The following P4HA1 variants were observed in gnomAD, a reference collection of about 807,000 sequenced individuals.
P4HA1 encodes prolyl 4-hydroxylase subunit alpha 1, also known as prolyl 4-hydroxylase subunit alpha-1.
Under a neutral mutation model 72.8 loss-of-function variants are expected in P4HA1, and 24 were observed. The observed-to-expected ratio is 0.33, with a 90% CI of 0.24 to 0.46. P4HA1 has a LOEUF of 0.46. Ranked by LOEUF, P4HA1 falls within the 20% of genes least tolerant of loss-of-function variation. The probability of loss-of-function intolerance (pLI) is 1.00; values close to 1 mark genes in which losing one functional copy is unlikely to be tolerated. For synonymous variants in P4HA1, 201 were observed against 218.8 expected (o/e 0.92, Z 0.72); for missense variants, 446 against 640.6 (o/e 0.70, Z 3.28).
At chr10:73,084,923 T>C (rs189873653) in intron 1 of P4HA1, among the ~76,000 whole-genome samples, 130 of 152,226 alleles carry the variant, frequency 8.5e-4, no homozygotes, top group African/African-American at 3.1e-3. Context: ...AAGGATCACT[T>C]GAGCTCAAGA....
chr10:73,031,073 G>A (rs1029804071), intron 9 of P4HA1, among the ~76,000 whole-genome samples: 1 of 151,688 alleles, frequency 6.6e-6, no homozygotes, highest in African/African-American at 2.4e-5. Context: ...AATTTTTTAT[G>A]GCATCATTAC....
intron 5 of P4HA1, among the ~76,000 whole-genome samples, chr10:73,060,729 C>T (rs1403885313): frequency 6.6e-6 from 1 of 152,018 alleles, no homozygotes; most frequent in Non-Finnish European, 1.5e-5. Flanking sequence ...TTCAAAAAAA[C>T]AAGCCTATCT....
intron 10 of P4HA1, among the ~76,000 whole-genome samples, chr10:73,018,444 A>C (rs1474169876): frequency 1.3e-5 from 2 of 152,162 alleles, no homozygotes; most frequent in Non-Finnish European, 2.9e-5. Flanking sequence ...TGCGCTGCTG[A>C]GACACTTCTC....
rs71021545 is a variant in P4HA1, at chr10:73,037,571, A to ATTTTT, written c.1149-7206_1149-7202dup. ...TATATATATATATATATATATATATATTTTTTTTTTTTTTTTTTTACAAAG... is the reference window on the plus strand; with the variant it reads ...TATATATATATATATATATATATATATTTTTTTTTTTTTTTTTTTTTTTTACAAAG... On this transcript the variant is annotated intron_variant, in intron 9 of 14. Transcript: ENST00000394890. Among the ~76,000 whole-genome samples the ATTTTT allele has an allele frequency of 5.2e-4, 16 of 30,616 alleles. 1 individual carries two copies. Among genetic ancestry groups the ATTTTT allele is most frequent in the East Asian group, 2.0e-3 (2 of 1,018 alleles). The allele number at this position is 30,616 out of a possible 152,430, so 20.1% of individuals were successfully genotyped here.
chr10:73,021,213 T>C (rs1840127557), intron 10 of P4HA1, among the ~76,000 whole-genome samples: 1 of 152,142 alleles, frequency 6.6e-6, no homozygotes, highest in African/African-American at 2.4e-5. Flanking sequence ...CATACACTGC[T>C]GGTGGGAATG....
chr10:73,075,546 TTC>T (rs1841678343), intron 1 of P4HA1, among the ~76,000 whole-genome samples: 1 of 152,198 alleles, frequency 6.6e-6, no homozygotes, highest in South Asian at 2.1e-4. Context: ...AAAATAAGTT[TTC>T]TCTGTGATTT....
chr10:73,021,359 C>A (rs1179515822), intron 10 of P4HA1, among the ~76,000 whole-genome samples: 1 of 152,150 alleles, frequency 6.6e-6, no homozygotes, highest in Non-Finnish European at 1.5e-5. Flanking sequence ...GAAGAGATAT[C>A]CGCATTCCCA....
rs537223718 is a variant in P4HA1 at position 73,091,175 on chromosome 10, T to A, written c.-33+5591A>T. Among the ~76,000 whole-genome samples the A allele has an allele frequency of 6.5e-3, 689 of 105,460 alleles. 7 individuals carry two copies. Among genetic ancestry groups the A allele is most frequent in the African/African-American group, 0.015 (262 of 17,826 alleles). The allele number at this position is 105,460 out of a possible 152,430, so 69.2% of individuals were successfully genotyped here. A position where few individuals can be genotyped will look rare whatever the true frequency, so the allele number is the denominator to read the frequency against. On this transcript the variant is annotated intron_variant, in intron 1 of 14. Coordinates refer to ENST00000394890, the MANE Select transcript of P4HA1 (RefSeq NM_001017962.3). ...ATGTTGCCTGAGTTTACCAAAAAAA[T>A]AAATAAATAAATAAATAAATAAATA...
rs1221303935 is a variant in P4HA1 at position 73,037,558 on chromosome 10, TATATATATATATA to T, written c.1149-7201_1149-7189del. Among the ~76,000 whole-genome samples the T allele has an allele frequency of 7.2e-3, 269 of 37,190 alleles. 3 individuals carry two copies. The highest frequency in any genetic ancestry group is 0.012 in the East Asian group (14 of 1,168). 24.4% of individuals were successfully genotyped at this position (37,190 alleles called of 152,430 possible). On this transcript the variant is annotated intron_variant, in intron 9 of 14. Coordinates refer to ENST00000394890, the MANE Select transcript of P4HA1 (RefSeq NM_001017962.3). Reference sequence around the variant, plus strand: ...ATATATATATATATATATATATATATATATATATATATATTTTTTTTTTTTTTTTTTTACAAAG... The same window carrying T: ...ATATATATATATATATATATATATATTTTTTTTTTTTTTTTTTTTACAAAG...
At chr10:73,023,160 T>C (rs1840176727) in intron 10 of P4HA1, among the ~76,000 whole-genome samples, 1 of 152,052 alleles carries the variant, frequency 6.6e-6, no homozygotes, top group Admixed American at 6.5e-5. Flanking sequence ...ACAAAGATAC[T>C]TCTCGAGAAG....
intron 7 of P4HA1, 149 bp downstream of exon 7, chr10:73,050,904 G>A (rs553151594): frequency 8.8e-5 from 62 of 704,508 alleles, no homozygotes; most frequent in Admixed American, 6.7e-4. Context: ...GGTCTATGTT[G>A]CCTAAGCTGA....
intron 12 of P4HA1, among the ~76,000 whole-genome samples, chr10:73,012,063 G>A (rs756500663): frequency 5.9e-5 from 9 of 151,878 alleles, no homozygotes; most frequent in South Asian, 2.1e-4. Flanking sequence ...TTTAAATAAC[G>A]GAAAAAATGA....
Position 73,068,831 on chromosome 10 carries a change from G to A in P4HA1, c.463+15C>T. 1 of 1,604,834 alleles carries A rather than the reference G, an allele frequency of 6.2e-7. No individual in the cohort carries two copies. Among genetic ancestry groups the A allele is most frequent in the Non-Finnish European group, 8.5e-7 (1 of 1,171,954 alleles). ...TAGGTGATAGGTATTTTATAGAATG[G>A]AAGAATGATCTTACCTGGAAGATTA... On this transcript the variant is annotated intron_variant, in intron 5 of 14. Coordinates refer to ENST00000394890, the MANE Select transcript of P4HA1 (RefSeq NM_001017962.3).
In P4HA1 at chr10:73,077,892, C is replaced by T. The variant is rs567226029; in HGVS notation, c.-32-2977G>A. On this transcript the variant is annotated intron_variant, in intron 1 of 14. Coordinates refer to ENST00000394890, the MANE Select transcript of P4HA1 (RefSeq NM_001017962.3). ...TGGTCCCAGCTACTTGGGAGGCTAACGTAGGAGGATCACTTGAGACCAGGA... is the reference window on the plus strand; with the variant it reads ...TGGTCCCAGCTACTTGGGAGGCTAATGTAGGAGGATCACTTGAGACCAGGA... Among the ~76,000 whole-genome samples the T allele has an allele frequency of 4.7e-5, 7 of 149,132 alleles. No homozygotes were observed. In the South Asian group the frequency reaches 6.3e-4, roughly 14 times the overall value.
intron 10 of P4HA1, among the ~76,000 whole-genome samples, chr10:73,029,507 AATC>A (rs1308648482): frequency 6.6e-6 from 1 of 152,098 alleles, no homozygotes; most frequent in Non-Finnish European, 1.5e-5. Flanking sequence ...TCAAAAAAAA[AATC>A]TAATACAGAA....
intron 7 of P4HA1, among the ~76,000 whole-genome samples, chr10:73,050,412 GT>G (rs1195094622): frequency 3.3e-5 from 5 of 150,446 alleles, no homozygotes; most frequent in South Asian, 2.1e-4. Flanking sequence ...TTTTTTTAAA[GT>G]TTTTTAGGCT....
chr10:73,045,938 T>C (rs1840851069), intron 8 of P4HA1, among the ~76,000 whole-genome samples: 1 of 151,696 alleles, frequency 6.6e-6, no homozygotes, highest in Admixed American at 6.6e-5. Context: ...TAACTTCATT[T>C]TGTAGTATAG....
At chr10:73,011,211 T>C (rs772180377) in intron 12 of P4HA1, among the ~76,000 whole-genome samples, 174 bp from the exon 13 acceptor site, 2 of 152,168 alleles carry the variant, frequency 1.3e-5, no homozygotes, top group Non-Finnish European at 2.9e-5. Context: ...TTTAGGTTTA[T>C]ATACATAAGT....
chr10:73,033,872 A>T (rs1279317300), intron 9 of P4HA1, among the ~76,000 whole-genome samples: 1 of 152,218 alleles, frequency 6.6e-6, no homozygotes, highest in Non-Finnish European at 1.5e-5. Flanking sequence ...GGAATAAATA[A>T]ATGGGACATT....
Sources: gnomAD v4.1 joint callset for allele counts (sites outside exome capture counted in the v4.1 genomes callset) on GRCh38, gnomAD v4.1.1 for gene constraint, MANE v1.5 for transcripts, NCBI Gene and HGNC (gene_info 2026-07-23, HGNC 2026-07-21) for gene names.